Variants in PACRG observed in about 807,000 individuals in gnomAD.
PACRG encodes the protein parkin coregulated, also known as parkin coregulated gene protein.
PACRG carries 29 observed loss-of-function variants against 29.7 expected under a neutral mutation model. The ratio of observed to expected loss-of-function variants is 0.98; its 90% CI spans 0.73 to 1.33. The LOEUF is 1.33. Ranked by LOEUF, PACRG falls within the 40% of genes most tolerant of loss-of-function variation. The probability of loss-of-function intolerance (pLI) is 0.00; values close to 1 mark genes in which losing one functional copy is unlikely to be tolerated. For missense variants in PACRG, 279 were observed against 316.2 expected, an observed-to-expected ratio of 0.88 and a Z score of 0.89; for synonymous variants, 116 against 118.7, an observed-to-expected ratio of 0.98 and a Z score of 0.15.
At chr6:163,058,988 A>T (rs769941662) in intron 2 of PACRG, among the ~76,000 whole-genome samples, 5 of 151,846 alleles carry the variant, frequency 3.3e-5, no homozygotes, top group Non-Finnish European at 7.4e-5. Flanking sequence ...CTGAGGCAGG[A>T]GAATCGCTTG....
chr6:163,045,793 T>G (rs1809292198), intron 2 of PACRG, among the ~76,000 whole-genome samples: 1 of 151,778 alleles, frequency 6.6e-6, no homozygotes, highest in African/African-American at 2.4e-5. Context: ...TTTTTGTATT[T>G]TTAGTAGAGA....
chr6:163,026,132 A>G (rs1807107105), intron 2 of PACRG, among the ~76,000 whole-genome samples: 1 of 152,240 alleles, frequency 6.6e-6, no homozygotes, highest in Admixed American at 6.5e-5. Context: ...GTCTCATTAA[A>G]CTAACCATTA....
intron 3 of PACRG, among the ~76,000 whole-genome samples, chr6:163,081,818 C>T (rs1359230204): frequency 1.3e-5 from 2 of 151,884 alleles, no homozygotes; most frequent in African/African-American, 4.8e-5. Flanking sequence ...ACCCACTAAA[C>T]AAAATAAGGT....
intron 2 of PACRG, among the ~76,000 whole-genome samples, chr6:162,906,160 T>A (rs1313008241): frequency 6.6e-6 from 1 of 152,224 alleles, no homozygotes; most frequent in Non-Finnish European, 1.5e-5. Flanking sequence ...ATAATGATTT[T>A]TTGTGTGTGT....
intron 4 of PACRG, among the ~76,000 whole-genome samples, chr6:163,149,793 C>G (rs1778000120): frequency 6.6e-6 from 1 of 152,174 alleles, no homozygotes; most frequent in Admixed American, 6.5e-5. Context: ...GTGCAGGCCT[C>G]CCTGCCAGCA....
chr6:163,213,624 T>A (rs983353188), intron 4 of PACRG, among the ~76,000 whole-genome samples: 7 of 152,360 alleles, frequency 4.6e-5, no homozygotes, highest in Admixed American at 2.0e-4. Context: ...ATACTTTTTT[T>A]ATGAAGCCTC....
At chr6:162,787,582 G>GTATATATATATATA (rs869254835) in intron 1 of PACRG, among the ~76,000 whole-genome samples, 4 of 62,392 alleles carry the variant, frequency 6.4e-5, no homozygotes, top group East Asian at 1.1e-3. Flanking sequence ...GTGTGTGTGT[G>GTATATATATATATA]TATATATATA....
In PACRG at chr6:163,032,935, G is replaced by A. The variant is rs183435684; in HGVS notation, c.292-29215G>A. The stretch of plus-strand genomic sequence containing the variant: ...TATTATGCTTTTATTCCAATGTTTA[G>A]TTTATGGAAAAGCTGAAAAATGCCA... On this transcript the variant is annotated intron_variant, in intron 2 of 4. Transcript: ENST00000366888. Among the ~76,000 whole-genome samples the A allele has an allele frequency of 2.3e-3, 348 of 152,090 alleles. 1 individual carries two copies. Among genetic ancestry groups the A allele is most frequent in the Non-Finnish European group, 2.6e-3 (177 of 67,970 alleles).
intron 1 of PACRG, among the ~76,000 whole-genome samples, chr6:162,753,598 A>G (rs924406827): frequency 3.3e-5 from 5 of 152,128 alleles, no homozygotes; most frequent in Admixed American, 2.0e-4. Context: ...TGTAATCTCC[A>G]TGTGTCAGAG....
intron 4 of PACRG, among the ~76,000 whole-genome samples, chr6:163,251,475 A>G (rs556600893): frequency 2.0e-4 from 31 of 152,306 alleles, no homozygotes; most frequent in Admixed American, 1.9e-3. Context: ...CCCAATATTC[A>G]ATCATAATCT....
At chr6:162,961,155 G>GTTT (rs1800585648) in intron 2 of PACRG, among the ~76,000 whole-genome samples, 1 of 152,220 alleles carries the variant, frequency 6.6e-6, no homozygotes, top group East Asian at 1.9e-4. Context: ...TCACTGCAAG[G>GTTT]TTTGCATCAG....
intron 2 of PACRG, among the ~76,000 whole-genome samples, chr6:162,861,591 A>C (rs563114628): frequency 6.6e-6 from 1 of 152,286 alleles, no homozygotes; most frequent in South Asian, 2.1e-4. Flanking sequence ...GAAGTCGTCA[A>C]CACAAGGAGC....
chr6:162,896,773 A>T (rs1318677820), intron 2 of PACRG, among the ~76,000 whole-genome samples: 1 of 152,202 alleles, frequency 6.6e-6, no homozygotes, highest in Non-Finnish European at 1.5e-5. Flanking sequence ...CTTTTAATAT[A>T]TTGGAACAGG....
chr6:162,808,874 C>A (rs1042971221), intron 1 of PACRG, among the ~76,000 whole-genome samples: 5 of 152,090 alleles, frequency 3.3e-5, no homozygotes, highest in Admixed American at 1.3e-4. Context: ...ATAATATTTT[C>A]TCTTCTACAA....
intron 2 of PACRG, among the ~76,000 whole-genome samples, chr6:162,984,329 G>A (rs1022865457): frequency 1.3e-5 from 2 of 151,880 alleles, no homozygotes; most frequent in African/African-American, 4.8e-5. Context: ...TTCCATCCAG[G>A]TTGCAGTGAA....
chr6:163,176,837 G>A (rs1371623625), intron 4 of PACRG, among the ~76,000 whole-genome samples: 6 of 152,224 alleles, frequency 3.9e-5, no homozygotes, highest in African/African-American at 1.4e-4. Context: ...GAAGTTGCAT[G>A]GAAAAGGCTG....
intron 1 of PACRG, among the ~76,000 whole-genome samples, chr6:162,791,307 G>GTTTTTTTTTTTT (rs141410582): frequency 8.5e-6 from 1 of 117,876 alleles, no homozygotes; most frequent in Non-Finnish European, 1.7e-5. Context: ...TAGTTTGTTT[G>GTTTTTTTTTTTT]TTTGTTTTTT....
intron 2 of PACRG, among the ~76,000 whole-genome samples, chr6:162,963,183 G>C (rs1441641816): frequency 6.6e-6 from 1 of 152,132 alleles, no homozygotes; most frequent in Non-Finnish European, 1.5e-5. Context: ...GCAGGTGAAG[G>C]CAGGTAGAGT....
chr6:162,802,756 CT>C (rs1785984496), intron 1 of PACRG, among the ~76,000 whole-genome samples: 1 of 152,162 alleles, frequency 6.6e-6, no homozygotes, highest in African/African-American at 2.4e-5. Context: ...CAGTCCTCCT[CT>C]TAATGATCTC....
Sources: gnomAD v4.1 joint callset for allele counts (sites outside exome capture counted in the v4.1 genomes callset) on GRCh38, gnomAD v4.1.1 for gene constraint, MANE v1.5 for transcripts, NCBI Gene and HGNC (gene_info 2026-07-23, HGNC 2026-07-21) for gene names.